The following FABP7 variants were observed in gnomAD, a reference collection of about 807,000 sequenced individuals.
FABP7 encodes fatty acid binding protein 7, also known as fatty acid-binding protein, brain.
Under a neutral mutation model 14.2 loss-of-function variants are expected in FABP7, and 13 were observed. The observed-to-expected ratio is 0.91, with a 90% CI of 0.59 to 1.45. The LOEUF (loss-of-function observed/expected upper bound fraction) is 1.45. Among genes scored for constraint, FABP7 ranks in the 40% most tolerant of loss-of-function variants. FABP7 has a pLI of 0.00. For synonymous variants in FABP7, 49 were observed against 51.4 expected (o/e 0.95, Z 0.20); for missense variants, 149 against 157.6 (o/e 0.95, Z 0.29).
At chr6:122,768,064 G>T in the FABP7 span, among the ~76,000 whole-genome samples, 2 of 151,966 alleles carry the variant, frequency 1.3e-5, no homozygotes, top group South Asian at 4.1e-4. Flanking sequence ...ATGGGCAGGA[G>T]AACAGACATT....
upstream of FABP7, among the ~76,000 whole-genome samples, chr6:122,778,487 G>A (rs1372371761): frequency 6.6e-6 from 1 of 152,184 alleles, no homozygotes; most frequent in East Asian, 1.9e-4. Flanking sequence ...GGGTAGAAAT[G>A]TGCTGGGCTG....
chr6:122,767,261 T>A, the FABP7 span, among the ~76,000 whole-genome samples: 1 of 152,006 alleles, frequency 6.6e-6, no homozygotes, highest in Non-Finnish European at 1.5e-5. Flanking sequence ...GTACCATATA[T>A]ACATATATTA....
At chr6:122,775,367 A>T (rs371636593), upstream of FABP7, among the ~76,000 whole-genome samples, 9 of 152,252 alleles carry the variant, frequency 5.9e-5, no homozygotes, top group African/African-American at 2.2e-4. Context: ...TTATATTTAC[A>T]GACAACTTAT....
At chr6:122,783,008 C>CA (rs1310208649) in intron 3 of FABP7, 1 of 985,172 alleles carries the variant, frequency 1.0e-6, no homozygotes, top group Non-Finnish European at 1.2e-6. Flanking sequence ...AGATTGAGTT[C>CA]AAAAAGGAAG....
At chr6:122,781,422 A>C in intron 3 of FABP7, 2 of 1,411,850 alleles carry the variant, frequency 1.4e-6, no homozygotes, top group Non-Finnish European at 1.9e-6. Context: ...AAAGAGAAAA[A>C]TTCATGTGTA....
chr6:122,752,821 T>TGTTA, the FABP7 span, among the ~76,000 whole-genome samples: 1 of 152,142 alleles, frequency 6.6e-6, no homozygotes, highest in African/African-American at 2.4e-5. Flanking sequence ...CCCTCTACAT[T>TGTTA]GTTATTGCCT....
chr6:122,781,695 A>T, intron 3 of FABP7: 1 of 987,916 alleles, frequency 1.0e-6, no homozygotes, highest in Non-Finnish European at 1.2e-6. Context: ...AGAAAAGTAT[A>T]ACAAAAAAAT....
At chr6:122,769,688 G>A in the FABP7 span, among the ~76,000 whole-genome samples, 7 of 151,968 alleles carry the variant, frequency 4.6e-5, no homozygotes, top group South Asian at 1.2e-3. Flanking sequence ...GAAAACTTAC[G>A]AAATGCTGGC....
the FABP7 span, among the ~76,000 whole-genome samples, chr6:122,757,033 A>G: frequency 6.6e-6 from 1 of 152,248 alleles, no homozygotes. Context: ...GGGTTAAGTG[A>G]TCTATTAATA....
chr6:122,761,894 A>T, the FABP7 span, among the ~76,000 whole-genome samples: 2 of 152,180 alleles, frequency 1.3e-5, no homozygotes, highest in Admixed American at 1.3e-4. Context: ...TGAGGCAACA[A>T]TTAATAGCCT....
chr6:122,752,897 A>C, the FABP7 span, among the ~76,000 whole-genome samples: 1 of 152,198 alleles, frequency 6.6e-6, no homozygotes, highest in African/African-American at 2.4e-5. Context: ...GCATAGGGTT[A>C]GTGGTCTCTC....
chr6:122,782,157 T>G (rs1466691285), intron 3 of FABP7: 1 of 983,370 alleles, frequency 1.0e-6, no homozygotes, highest in Non-Finnish European at 1.2e-6. Context: ...TGAAAAATAT[T>G]TTTTTCAATC....
At chr6:122,765,277 A>G in the FABP7 span, among the ~76,000 whole-genome samples, 1 of 152,086 alleles carries the variant, frequency 6.6e-6, no homozygotes, top group Non-Finnish European at 1.5e-5. Flanking sequence ...GATCTGAATT[A>G]TATTTGATTC....
the FABP7 span, among the ~76,000 whole-genome samples, chr6:122,762,986 C>A: frequency 1.3e-5 from 2 of 152,124 alleles, no homozygotes; most frequent in African/African-American, 4.8e-5. Context: ...AGATTCATTG[C>A]CATCCCCATC....
chr6:122,761,511 G>A, the FABP7 span, among the ~76,000 whole-genome samples: 19,755 of 152,026 alleles, frequency 0.13, 2,144 homozygotes, highest in East Asian at 0.52. Flanking sequence ...AAATCTTCTC[G>A]TAATAGGATT....
At chr6:122,777,096 G>T (rs570869921), upstream of FABP7, among the ~76,000 whole-genome samples, 1 of 152,004 alleles carries the variant, frequency 6.6e-6, no homozygotes, top group African/African-American at 2.4e-5. Context: ...ATCTATAAAG[G>T]GCTAAGATGA....
At chr6:122,765,508 T>C in the FABP7 span, among the ~76,000 whole-genome samples, 5 of 152,044 alleles carry the variant, frequency 3.3e-5, no homozygotes, top group African/African-American at 4.8e-5. Context: ...TCTTTTGATG[T>C]CATTCTTGGT....
the FABP7 span, among the ~76,000 whole-genome samples, chr6:122,762,685 T>C: frequency 4.8e-4 from 71 of 147,230 alleles, no homozygotes; most frequent in African/African-American, 1.3e-3. Context: ...TAAGCAACTT[T>C]AGCAAAGTCT....
chr6:122,765,415 CTA>C, the FABP7 span, among the ~76,000 whole-genome samples: 526 of 151,660 alleles, frequency 3.5e-3, 4 homozygotes, highest in African/African-American at 0.012. Flanking sequence ...AGATATGTAT[CTA>C]TATATATATA....
Sources: allele counts gnomAD v4.1 joint callset (sites outside exome capture counted in the v4.1 genomes callset), GRCh38; gene constraint gnomAD v4.1.1; transcripts MANE v1.5; gene names NCBI Gene and HGNC (gene_info 2026-07-23, HGNC 2026-07-21).